PTPRD: variants seen among roughly 807,000 people sequenced by gnomAD.
PTPRD encodes protein tyrosine phosphatase receptor type D.
PTPRD carries 34 observed loss-of-function variants against 214.5 expected under a neutral mutation model. The ratio of observed to expected loss-of-function variants is 0.16; its 90% confidence interval spans 0.12 to 0.21. The LOEUF (loss-of-function observed/expected upper bound fraction) is 0.21, where lower values mean the gene tolerates loss of function less well. Ranked by LOEUF, PTPRD falls within the 10% of genes least tolerant of loss-of-function variation. The pLI is 1.00. For synonymous variants in PTPRD, 1,128 were observed against 845.7 expected, an observed-to-expected ratio of 1.33 and a Z score of -5.79; for missense variants, 2,545 against 2,398.7, an observed-to-expected ratio of 1.06 and a Z score of -1.27.
chr9:9,908,936 C>T (rs906682365), intron 5 of PTPRD, among the ~76,000 whole-genome samples: 3 of 151,984 alleles, frequency 2.0e-5, no homozygotes, highest in South Asian at 4.1e-4. Flanking sequence ...AAGATATAGG[C>T]TATATTCCTC....
At chr9:9,925,697 C>G (rs2084035912) in intron 5 of PTPRD, among the ~76,000 whole-genome samples, 2 of 152,064 alleles carry the variant, frequency 1.3e-5, no homozygotes, top group African/African-American at 2.4e-5. Context: ...ACTCATTATG[C>G]TAACTTCTAA....
chr9:9,254,710 T>C (rs549272228), intron 9 of PTPRD, among the ~76,000 whole-genome samples: 39 of 152,204 alleles, frequency 2.6e-4, no homozygotes, highest in African/African-American at 9.1e-4. Flanking sequence ...ATGTTTCTTG[T>C]TGAAGAAATC....
chr9:9,459,200 A>T (rs567577938), intron 8 of PTPRD, among the ~76,000 whole-genome samples: 2 of 152,148 alleles, frequency 1.3e-5, no homozygotes, highest in South Asian at 4.2e-4. Context: ...AGTATTTGAG[A>T]AAGCCACCAC....
At chr9:8,533,186 G>C (rs1205251687) in intron 14 of PTPRD, among the ~76,000 whole-genome samples, 4 of 151,984 alleles carry the variant, frequency 2.6e-5, no homozygotes, top group Admixed American at 2.0e-4. Flanking sequence ...TTCTTTGTAA[G>C]GAAGCCAGGA....
chr9:9,012,698 A>G (rs1257590437), intron 11 of PTPRD, among the ~76,000 whole-genome samples: 1 of 152,180 alleles, frequency 6.6e-6, no homozygotes, highest in Non-Finnish European at 1.5e-5. Context: ...AAGTTCTATC[A>G]ATTAAAGTTT....
At chr9:9,997,907 T>A (rs1170137119) in intron 4 of PTPRD, among the ~76,000 whole-genome samples, 3 of 151,658 alleles carry the variant, frequency 2.0e-5, no homozygotes, top group Non-Finnish European at 4.4e-5. Flanking sequence ...TTTGCATATT[T>A]AAAAGGCTAG....
intron 2 of PTPRD, among the ~76,000 whole-genome samples, chr9:10,551,136 C>T (rs2061265598): frequency 6.6e-6 from 1 of 152,050 alleles, no homozygotes; most frequent in Non-Finnish European, 1.5e-5. Context: ...AAGTCCAAGA[C>T]CAGCCTGGGC....
chr9:9,946,227 G>A (rs1203655082), intron 4 of PTPRD, among the ~76,000 whole-genome samples: 1 of 152,066 alleles, frequency 6.6e-6, no homozygotes, highest in African/African-American at 2.4e-5. Context: ...TATACATCTT[G>A]CTCATTCTCA....
At chr9:10,421,530 A>C (rs2098545793) in intron 2 of PTPRD, among the ~76,000 whole-genome samples, 1 of 151,910 alleles carries the variant, frequency 6.6e-6, no homozygotes, top group Admixed American at 6.6e-5. Context: ...AGCCAGTTTA[A>C]GGAGATAATG....
At chr9:10,368,599 T>C (rs1013038225) in intron 2 of PTPRD, among the ~76,000 whole-genome samples, 2 of 152,028 alleles carry the variant, frequency 1.3e-5, no homozygotes, top group Non-Finnish European at 2.9e-5. Context: ...ATACAGAACA[T>C]TGTAATTGAG....
At chr9:9,182,924 G>A (rs538012751) in intron 10 of PTPRD, among the ~76,000 whole-genome samples, 16 of 151,814 alleles carry the variant, frequency 1.1e-4, no homozygotes, top group African/African-American at 3.4e-4. Context: ...GACCACCACC[G>A]AGGGCTAATA....
chr9:9,687,937 T>C (rs148093521), intron 7 of PTPRD, among the ~76,000 whole-genome samples: 38 of 151,936 alleles, frequency 2.5e-4, no homozygotes, highest in Non-Finnish European at 4.0e-4. Context: ...TGGGAGGTGA[T>C]TGGATCATGG....
chr9:9,025,306 G>A (rs1224915282), intron 10 of PTPRD, among the ~76,000 whole-genome samples: 1 of 151,998 alleles, frequency 6.6e-6, no homozygotes, highest in African/African-American at 2.4e-5. Flanking sequence ...CTATCTTTGT[G>A]AAAGACTTTC....
At chr9:10,044,363 C>A (rs774092279) in intron 3 of PTPRD, among the ~76,000 whole-genome samples, 1 of 151,590 alleles carries the variant, frequency 6.6e-6, no homozygotes, top group African/African-American at 2.4e-5. Flanking sequence ...AGCGATGAAG[C>A]CTTTGTTCTG....
intron 11 of PTPRD, among the ~76,000 whole-genome samples, chr9:8,748,529 A>G (rs2093125223): frequency 1.4e-5 from 2 of 141,532 alleles, no homozygotes; most frequent in South Asian, 4.4e-4. Flanking sequence ...CTGCAAAAAA[A>G]AAAAAAAAAA....
intron 2 of PTPRD, among the ~76,000 whole-genome samples, chr9:10,592,273 T>C (rs965160594): frequency 1.5e-4 from 23 of 151,596 alleles, no homozygotes; most frequent in African/African-American, 4.4e-4. Context: ...CAGGATGACA[T>C]ATGTGAGCCA....
chr9:10,074,451 C>T (rs1590355441), intron 3 of PTPRD, among the ~76,000 whole-genome samples: 1 of 152,074 alleles, frequency 6.6e-6, no homozygotes. Context: ...CAGTTTGGAT[C>T]TCTGGAACTT....
intron 35 of PTPRD, among the ~76,000 whole-genome samples, chr9:8,421,946 G>C (rs1226403712): frequency 6.6e-6 from 1 of 151,282 alleles, no homozygotes; most frequent in Admixed American, 6.6e-5. Flanking sequence ...CCAGTAGTTC[G>C]AGACCAACCT....
At chr9:8,477,121 GAA>G (rs538039183) in intron 30 of PTPRD, among the ~76,000 whole-genome samples, 1 of 138,340 alleles carries the variant, frequency 7.2e-6, no homozygotes. Flanking sequence ...TGCTTGAAAT[GAA>G]AAAAAAAAAA....
Sources: gnomAD v4.1 joint callset for allele counts (sites outside exome capture counted in the v4.1 genomes callset) on GRCh38, gnomAD v4.1.1 for gene constraint, MANE v1.5 for transcripts, NCBI Gene and HGNC (gene_info 2026-07-23, HGNC 2026-07-21) for gene names.